PLEKHD1: variants seen among roughly 807,000 people sequenced by gnomAD.
PLEKHD1 encodes pleckstrin homology domain-containing family D member 1.
Under a neutral mutation model 69.2 loss-of-function variants are expected in PLEKHD1, and 51 were observed. That is an observed-to-expected ratio of 0.74 (90% CI 0.59 to 0.93). PLEKHD1 has a LOEUF of 0.93. Among genes scored for constraint, PLEKHD1 ranks in the 40% least tolerant of loss-of-function variants. PLEKHD1 has a pLI of 0.00. For missense variants in PLEKHD1, 584 were observed against 641.0 expected (o/e 0.91, Z 0.96); for synonymous variants, 236 against 244.7 (o/e 0.96, Z 0.33).
the PLEKHD1 span, among the ~76,000 whole-genome samples, chr14:69,478,067 A>G: frequency 1.6e-4 from 25 of 152,350 alleles, no homozygotes; most frequent in Non-Finnish European, 2.5e-4. Flanking sequence ...AGGTGTTTCC[A>G]TACATCTGAA....
intron 6 of PLEKHD1, among the ~76,000 whole-genome samples, chr14:69,505,551 T>C (rs756570481): frequency 9.9e-5 from 15 of 152,118 alleles, no homozygotes; most frequent in Non-Finnish European, 1.9e-4. Flanking sequence ...TGGATTGGAG[T>C]CTTAACTCTA....
chr14:69,525,864 C>T (rs577833732), intron 8 of PLEKHD1, 80 bp from the exon 9 acceptor site: 2 of 1,373,160 alleles, frequency 1.5e-6, no homozygotes, highest in Non-Finnish European at 2.0e-6. Flanking sequence ...GTCACTCCCC[C>T]AAACGGAAAA....
chr14:69,523,150 C>T (rs1240514923), intron 7 of PLEKHD1, among the ~76,000 whole-genome samples: 6 of 152,122 alleles, frequency 3.9e-5, no homozygotes, highest in East Asian at 3.9e-4. Flanking sequence ...CCAGACTGGT[C>T]GCCAACACCT....
At chr14:69,520,015 A>G (rs1396562061) in intron 6 of PLEKHD1, among the ~76,000 whole-genome samples, 2 of 151,820 alleles carry the variant, frequency 1.3e-5, no homozygotes, top group Non-Finnish European at 2.9e-5. Context: ...AAAAATGCAA[A>G]AATTAGCCAG....
At chr14:69,526,536 T>C (rs537893941) in intron 9 of PLEKHD1, among the ~76,000 whole-genome samples, 161 bp from the exon 10 acceptor site, 1 of 152,094 alleles carries the variant, frequency 6.6e-6, no homozygotes, top group African/African-American at 2.4e-5. Context: ...GACCACACCA[T>C]CAATCTCATC....
At chr14:69,524,947 C>A (rs1474269801) in intron 8 of PLEKHD1, among the ~76,000 whole-genome samples, 1 of 152,194 alleles carries the variant, frequency 6.6e-6, no homozygotes, top group East Asian at 1.9e-4. Flanking sequence ...AGGAAGCAAG[C>A]TCTTTCATGC....
chr14:69,470,467 A>C, the PLEKHD1 span, among the ~76,000 whole-genome samples: 21 of 151,752 alleles, frequency 1.4e-4, no homozygotes, highest in African/African-American at 5.1e-4. Flanking sequence ...AAAAAAAAAA[A>C]CTAGTAAATG....
the PLEKHD1 span, among the ~76,000 whole-genome samples, chr14:69,470,953 G>A: frequency 6.6e-6 from 1 of 151,850 alleles, no homozygotes; most frequent in Non-Finnish European, 1.5e-5. Flanking sequence ...CACCATGCCC[G>A]GCTAATTTTT....
intron 2 of PLEKHD1, 183 bp downstream of exon 2, chr14:69,500,391 C>T: frequency 2.9e-6 from 2 of 696,548 alleles, no homozygotes; most frequent in South Asian, 1.9e-5. Flanking sequence ...TCTCCTGTGC[C>T]CCAGACCCTG....
chr14:69,525,499 T>C (rs945317711), intron 8 of PLEKHD1, among the ~76,000 whole-genome samples: 2 of 151,858 alleles, frequency 1.3e-5, no homozygotes, highest in Non-Finnish European at 2.9e-5. Context: ...GGGGGTGGTT[T>C]GGGGACAGGT....
intron 6 of PLEKHD1, among the ~76,000 whole-genome samples, chr14:69,514,965 A>G (rs1269523848): frequency 1.3e-5 from 2 of 152,188 alleles, no homozygotes; most frequent in East Asian, 1.9e-4. Flanking sequence ...TGAAAGGCCA[A>G]GGCAGTTGGA....
intron 6 of PLEKHD1, among the ~76,000 whole-genome samples, chr14:69,518,100 C>T (rs1460725771): frequency 2.6e-5 from 4 of 152,110 alleles, no homozygotes; most frequent in Admixed American, 1.3e-4. Flanking sequence ...GGCATGATCT[C>T]GGCTCACTGC....
In PLEKHD1 at chr14:69,524,312, A is replaced by G; in HGVS notation, c.734A>G (p.Gln245Arg). 3 of 1,551,522 alleles carry G rather than the reference A, an allele frequency of 1.9e-6. No homozygotes were observed. Among genetic ancestry groups the G allele is most frequent in the Non-Finnish European group, 2.6e-6 (3 of 1,146,920 alleles). ...AGGCACCTCACGGAGTCCTTGCAGC[A>G]GACACTGGAGGTGAGGGGCTGCTGG... ...ELRHLTESLQ[Q>R]TLEELSIEKK... The change falls in exon 8 of 13, where the codon CAG becomes CGG. Residue 245 changes from glutamine to arginine, a missense_variant. Physicochemically the swap from Gln to Arg is conservative, Grantham distance 43. Coordinates refer to ENST00000322564, the MANE Select transcript of PLEKHD1 (RefSeq NM_001161498.2).
In PLEKHD1 at chr14:69,500,205, TA is replaced by T. The variant is rs1032918948; in HGVS notation, c.242del (p.Lys81ArgfsTer23). On this transcript the variant is annotated frameshift_variant and splice_region_variant, in exon 2 of 13. Coordinates refer to ENST00000322564, the MANE Select transcript of PLEKHD1 (RefSeq NM_001161498.2). LOFTEE classifies it high-confidence loss of function. ...ETNKYFNIHP[K>X]GVIPLGGCLV... Reference sequence around the variant, plus strand: ...CCAATAAATACTTCAATATACATCCTAAGGTGAGGCGGCCCCTCCCAGGGCC... The same window carrying T: ...CCAATAAATACTTCAATATACATCCTAGGTGAGGCGGCCCCTCCCAGGGCC... 1 of 1,545,050 alleles carries T rather than the reference TA, an allele frequency of 6.5e-7. No individual in the cohort carries two copies. Among genetic ancestry groups the T allele is most frequent in the African/African-American group, 1.4e-5 (1 of 72,808 alleles).
chr14:69,524,217 C>CT lies in PLEKHD1; in HGVS notation c.651-11dup. The CT allele has an allele frequency of 6.5e-7, 1 of 1,548,202 alleles. No individual in the cohort carries two copies. The highest frequency in any genetic ancestry group is 8.7e-7 in the Non-Finnish European group (1 of 1,143,936). ...AGTGGGCACTGCCATACCCAGCCCT[C>CT]TGTCTCCACAGGGAGCTGGAACTGA... On this transcript the variant is annotated splice_polypyrimidine_tract_variant and intron_variant, in intron 7 of 12. Coordinates refer to ENST00000322564, the MANE Select transcript of PLEKHD1 (RefSeq NM_001161498.2).
At position 69,523,618 on chromosome 14, in the gene PLEKHD1, G is replaced by T. The variant is rs115410638; in HGVS notation, c.651-611G>T. ...CATTAGTGTAATAATATGTAATCAG[G>T]TGCTAGAAGGCATGGTGCAGATTTC... On this transcript the variant is annotated intron_variant, in intron 7 of 12. Coordinates refer to ENST00000322564, the MANE Select transcript of PLEKHD1 (RefSeq NM_001161498.2). 5.0e-3 allele frequency among the ~76,000 whole-genome samples: 760 copies of T among 152,264 alleles called. 7 individuals are homozygous for T. Among genetic ancestry groups the T allele is most frequent in the African/African-American group, 0.017 (721 of 41,542 alleles).
intron 6 of PLEKHD1, among the ~76,000 whole-genome samples, chr14:69,513,180 C>T (rs1883307944): frequency 6.6e-6 from 1 of 151,508 alleles, no homozygotes; most frequent in Non-Finnish European, 1.5e-5. Flanking sequence ...GATGGCACCA[C>T]TGTACTCCAG....
intron 6 of PLEKHD1, among the ~76,000 whole-genome samples, chr14:69,509,929 C>T (rs1481550411): frequency 6.6e-6 from 1 of 151,086 alleles, no homozygotes; most frequent in Non-Finnish European, 1.5e-5. Flanking sequence ...CAGAGTGAGA[C>T]TCCATCTCAA....
intron 5 of PLEKHD1, 175 bp from the exon 6 acceptor site, chr14:69,502,652 G>A (rs1448435192): frequency 1.3e-5 from 9 of 671,318 alleles, no homozygotes; most frequent in Non-Finnish European, 2.3e-5. Flanking sequence ...GGGGGAAGGA[G>A]GGTGGCAGCT....
Sources: allele counts gnomAD v4.1 joint callset (sites outside exome capture counted in the v4.1 genomes callset), GRCh38; gene constraint gnomAD v4.1.1; transcripts MANE v1.5; gene names NCBI Gene and HGNC (gene_info 2026-07-23, HGNC 2026-07-21).